MDGA2: variants seen among roughly 807,000 people sequenced by gnomAD.
MDGA2 encodes MAM domain-containing glycosylphosphatidylinositol anchor protein 2.
MDGA2 carries 40 observed loss-of-function variants against 117.8 expected under a neutral mutation model. That is an observed-to-expected ratio of 0.34 (90% CI 0.26 to 0.44). The LOEUF (loss-of-function observed/expected upper bound fraction) is 0.44, where lower values mean the gene tolerates loss of function less well. Ranked by LOEUF, MDGA2 falls within the 20% of genes least tolerant of loss-of-function variation. The probability of loss-of-function intolerance (pLI) is 1.00; values close to 1 mark genes in which losing one functional copy is unlikely to be tolerated. For missense variants in MDGA2, 1,123 were observed against 1,250.6 expected, an observed-to-expected ratio of 0.90 and a Z score of 1.54; for synonymous variants, 452 against 439.0, an observed-to-expected ratio of 1.03 and a Z score of -0.37.
intron 1 of MDGA2, among the ~76,000 whole-genome samples, chr14:47,492,323 A>G (rs1040590450): frequency 1.3e-5 from 2 of 152,120 alleles, no homozygotes; most frequent in African/African-American, 2.4e-5. Flanking sequence ...TATTCACTCA[A>G]TCATCCATTA....
chr14:46,869,559 T>G (rs116964676), intron 14 of MDGA2, among the ~76,000 whole-genome samples: 4,761 of 152,030 alleles, frequency 0.031, 93 homozygotes, highest in Non-Finnish European at 0.042. Context: ...CAATCAATTT[T>G]GATGAAACAT....
At chr14:47,214,309 G>A (rs865798999) in intron 3 of MDGA2, among the ~76,000 whole-genome samples, 2 of 151,996 alleles carry the variant, frequency 1.3e-5, no homozygotes, top group African/African-American at 2.4e-5. Context: ...AATCAGATTC[G>A]GGAAATTCAA....
chr14:47,299,861 T>A (rs1889215431), intron 2 of MDGA2, among the ~76,000 whole-genome samples: 1 of 152,212 alleles, frequency 6.6e-6, no homozygotes, highest in African/African-American at 2.4e-5. Flanking sequence ...CCATTTTCAG[T>A]TAATAGCAAA....
At chr14:47,079,727 A>ATTTTTTTTTTTTTTTTTTTTTTT (rs35801678) in intron 6 of MDGA2, among the ~76,000 whole-genome samples, 6 of 80,072 alleles carry the variant, frequency 7.5e-5, no homozygotes, top group African/African-American at 2.3e-4. Context: ...TTTTCTACTA[A>ATTTTTTTTTTTTTTTTTTTTTTT]TTTTTTTTTT....
chr14:47,066,596 T>C (rs1476830400), intron 6 of MDGA2, among the ~76,000 whole-genome samples: 2 of 152,194 alleles, frequency 1.3e-5, no homozygotes, highest in Non-Finnish European at 2.9e-5. Flanking sequence ...GTATGGGACA[T>C]CGGCTATCAG....
chr14:47,074,358 T>A (rs964283059), intron 6 of MDGA2, among the ~76,000 whole-genome samples: 1 of 151,954 alleles, frequency 6.6e-6, no homozygotes, highest in African/African-American at 2.4e-5. Context: ...TGGAGTGCAG[T>A]GCGGTGGCGC....
At chr14:47,530,186 A>G (rs1895065933) in intron 1 of MDGA2, among the ~76,000 whole-genome samples, 1 of 152,190 alleles carries the variant, frequency 6.6e-6, no homozygotes, top group Non-Finnish European at 1.5e-5. Flanking sequence ...AAACAGATGC[A>G]TGAGGGGCGC....
chr14:46,880,694 C>A (rs1882411101), intron 11 of MDGA2, among the ~76,000 whole-genome samples: 1 of 146,912 alleles, frequency 6.8e-6, no homozygotes, highest in Non-Finnish European at 1.5e-5. Context: ...CCCAGCTACT[C>A]GGGAGGCTGA....
At chr14:47,572,140 T>G (rs1016202838) in intron 1 of MDGA2, among the ~76,000 whole-genome samples, 1 of 152,220 alleles carries the variant, frequency 6.6e-6, no homozygotes, top group Admixed American at 6.5e-5. Flanking sequence ...ATCCCATCCC[T>G]TGCTGTTCCA....
chr14:47,614,948 T>C (rs1041037576), intron 1 of MDGA2, among the ~76,000 whole-genome samples: 2 of 152,226 alleles, frequency 1.3e-5, no homozygotes, highest in Non-Finnish European at 2.9e-5. Context: ...AAATGTTCCA[T>C]AAGTTTAACT....
At chr14:47,295,061 A>T (rs1033478456) in intron 2 of MDGA2, among the ~76,000 whole-genome samples, 1 of 152,374 alleles carries the variant, frequency 6.6e-6, no homozygotes, top group African/African-American at 2.4e-5. Flanking sequence ...ACTACTAGAC[A>T]ATTTTAATGC....
intron 3 of MDGA2, among the ~76,000 whole-genome samples, chr14:47,186,464 A>G (rs1191040253): frequency 1.3e-5 from 2 of 152,012 alleles, no homozygotes; most frequent in Middle Eastern, 3.4e-3. Flanking sequence ...AAATGCACAC[A>G]TAACATGCTT....
At chr14:46,977,442 A>G (rs1055017238) in intron 8 of MDGA2, among the ~76,000 whole-genome samples, 1 of 151,934 alleles carries the variant, frequency 6.6e-6, no homozygotes, top group Non-Finnish European at 1.5e-5. Context: ...AGTAACCCTA[A>G]CTATATTAGT....
At chr14:47,029,729 ATATAATTT>A (rs1371925852) in intron 8 of MDGA2, among the ~76,000 whole-genome samples, 1 of 152,216 alleles carries the variant, frequency 6.6e-6, no homozygotes, top group Admixed American at 6.5e-5. Context: ...AAATTGTAGC[ATATAATTT>A]TATAAGTGTA....
intron 3 of MDGA2, among the ~76,000 whole-genome samples, chr14:47,197,083 T>C (rs1346157870): frequency 6.6e-6 from 1 of 152,232 alleles, no homozygotes; most frequent in African/African-American, 2.4e-5. Context: ...GGTATCTAGG[T>C]TGATTCCCTG....
At chr14:47,355,641 C>T (rs1890977971) in intron 1 of MDGA2, among the ~76,000 whole-genome samples, 1 of 152,014 alleles carries the variant, frequency 6.6e-6, no homozygotes, top group Non-Finnish European at 1.5e-5. Context: ...AGAGAGCCCC[C>T]CAGATGAGGA....
intron 6 of MDGA2, among the ~76,000 whole-genome samples, chr14:47,078,756 A>G (rs1890590839): frequency 6.6e-6 from 1 of 152,264 alleles, no homozygotes; most frequent in African/African-American, 2.4e-5. Context: ...ACCTATAACT[A>G]TTACTGAAAA....
intron 1 of MDGA2, among the ~76,000 whole-genome samples, chr14:47,399,882 A>G (rs1330899774): frequency 6.6e-6 from 1 of 152,196 alleles, no homozygotes. Context: ...TGGTCAGAGA[A>G]GGTATCTGTA....
chr14:47,496,919 A>G (rs753705341), intron 1 of MDGA2, among the ~76,000 whole-genome samples: 6 of 152,008 alleles, frequency 3.9e-5, no homozygotes, highest in Admixed American at 6.6e-5. Context: ...AAACTGTTCC[A>G]CCTCAGATCA....
Sources: gnomAD v4.1 joint callset for allele counts (sites outside exome capture counted in the v4.1 genomes callset) on GRCh38, gnomAD v4.1.1 for gene constraint, MANE v1.5 for transcripts, NCBI Gene and HGNC (gene_info 2026-07-23, HGNC 2026-07-21) for gene names.